Variants in WDR70 observed in about 807,000 individuals in gnomAD.
The protein encoded by WDR70 is WD repeat domain 70.
WDR70 carries 53 observed loss-of-function variants against 88.6 expected under a neutral mutation model. That is an observed-to-expected ratio of 0.60 (90% CI 0.48 to 0.75). WDR70 has a LOEUF of 0.75. Ranked by LOEUF, WDR70 falls within the 30% of genes least tolerant of loss-of-function variation. WDR70 has a pLI of 0.00. For synonymous variants in WDR70, 280 were observed against 270.0 expected, an observed-to-expected ratio of 1.04 and a Z score of -0.36; for missense variants, 610 against 823.2, an observed-to-expected ratio of 0.74 and a Z score of 3.17.
intron 10 of WDR70, among the ~76,000 whole-genome samples, chr5:37,645,611 C>G (rs1333240882): frequency 1.3e-5 from 2 of 151,998 alleles, no homozygotes; most frequent in Non-Finnish European, 2.9e-5. Context: ...GTTTCTCTCT[C>G]TTTAGCTCCA....
chr5:37,697,963 CT>C (rs919768371), intron 11 of WDR70: 379 of 441,304 alleles, frequency 8.6e-4, no homozygotes, highest in Middle Eastern at 1.9e-3. Context: ...TAAATATTTA[CT>C]TTTTTTTGGC....
At chr5:37,538,650 G>T (rs1057157702) in intron 9 of WDR70, among the ~76,000 whole-genome samples, 2 of 152,118 alleles carry the variant, frequency 1.3e-5, no homozygotes, top group African/African-American at 2.4e-5. Context: ...TTAATTCCAG[G>T]AGTTTCAGTA....
intron 9 of WDR70, among the ~76,000 whole-genome samples, chr5:37,555,977 C>T (rs762060434): frequency 6.6e-6 from 1 of 152,102 alleles, no homozygotes; most frequent in Non-Finnish European, 1.5e-5. Flanking sequence ...CCTCAGCTTC[C>T]CAAAGTGCTG....
At chr5:37,653,641 T>C (rs578173690) in intron 10 of WDR70, among the ~76,000 whole-genome samples, 1 of 152,328 alleles carries the variant, frequency 6.6e-6, no homozygotes, top group African/African-American at 2.4e-5. Flanking sequence ...TATTCAGGAA[T>C]TCGACTTCTT....
At chr5:37,499,945 T>A (rs1321429502) in intron 8 of WDR70, among the ~76,000 whole-genome samples, 1 of 152,200 alleles carries the variant, frequency 6.6e-6, no homozygotes, top group Non-Finnish European at 1.5e-5. Context: ...TTTTTAAAAA[T>A]ATTTTTAAAA....
At chr5:37,722,834 A>G (rs768349977) in intron 14 of WDR70, 21 bp from the exon 15 acceptor site, 2 of 1,612,160 alleles carry the variant, frequency 1.2e-6, no homozygotes, top group East Asian at 2.2e-5. Flanking sequence ...AAAGAAAATA[A>G]TTTGCTTTTA....
At chr5:37,574,000 G>T (rs1157498683) in intron 9 of WDR70, among the ~76,000 whole-genome samples, 1 of 152,178 alleles carries the variant, frequency 6.6e-6, no homozygotes, top group Non-Finnish European at 1.5e-5. Context: ...TTATTGAGGG[G>T]AGGGGATTGA....
chr5:37,673,269 G>A (rs538534411), intron 10 of WDR70, among the ~76,000 whole-genome samples: 17 of 152,252 alleles, frequency 1.1e-4, no homozygotes, highest in Middle Eastern at 3.4e-3. Context: ...TCCATGGTGT[G>A]TATGTACCAC....
chr5:37,388,742 A>G (rs1246400988), intron 3 of WDR70, among the ~76,000 whole-genome samples: 2 of 150,856 alleles, frequency 1.3e-5, no homozygotes, highest in African/African-American at 4.9e-5. Context: ...CCGTCTCAAA[A>G]AAAAAAAACA....
At chr5:37,479,759 TGGCAATAC>T in intron 7 of WDR70, 67 bp from the exon 8 acceptor site, 2 of 1,456,846 alleles carry the variant, frequency 1.4e-6, no homozygotes, top group South Asian at 1.4e-5. Flanking sequence ...TTTTTTTTTC[TGGCAATAC>T]TTAATGTAGT....
chr5:37,673,529 G>A (rs1346713312), intron 10 of WDR70, among the ~76,000 whole-genome samples: 2 of 149,626 alleles, frequency 1.3e-5, no homozygotes, highest in Non-Finnish European at 1.5e-5. Context: ...CAGTGTATAA[G>A]CATTCCTTTT....
chr5:37,472,282 T>TC (rs1739349125), intron 7 of WDR70, among the ~76,000 whole-genome samples: 1 of 152,042 alleles, frequency 6.6e-6, no homozygotes, highest in Non-Finnish European at 1.5e-5. Flanking sequence ...TTCTTTTTCA[T>TC]TCTATGTCCC....
intron 9 of WDR70, among the ~76,000 whole-genome samples, chr5:37,577,478 A>G (rs1407462055): frequency 6.6e-6 from 1 of 152,140 alleles, no homozygotes; most frequent in Non-Finnish European, 1.5e-5. Context: ...TTGCCAGCCA[A>G]TCAATCAAAA....
chr5:37,587,528 G>C (rs1479759809), intron 9 of WDR70, among the ~76,000 whole-genome samples: 1 of 151,640 alleles, frequency 6.6e-6, no homozygotes, highest in Non-Finnish European at 1.5e-5. Context: ...ATCCTTCCTA[G>C]ATCTTTCCCA....
At chr5:37,677,054 C>T (rs1241656411) in intron 10 of WDR70, among the ~76,000 whole-genome samples, 2 of 152,090 alleles carry the variant, frequency 1.3e-5, no homozygotes, top group Non-Finnish European at 2.9e-5. Context: ...GATGGTAGTT[C>T]ATATTTCTGT....
At chr5:37,745,933 C>T (rs572306006) in intron 17 of WDR70, among the ~76,000 whole-genome samples, 6 of 152,254 alleles carry the variant, frequency 3.9e-5, no homozygotes, top group Non-Finnish European at 7.4e-5. Flanking sequence ...ACCTAGTAGA[C>T]GTCTACAGAA....
At chr5:37,649,733 CTTTTTTT>C (rs70978834) in intron 10 of WDR70, among the ~76,000 whole-genome samples, 6 of 68,738 alleles carry the variant, frequency 8.7e-5, no homozygotes, top group Non-Finnish European at 1.2e-4. Flanking sequence ...GTTATTACTT[CTTTTTTT>C]TTTTTTTTTT....
chr5:37,566,407 G>A (rs1742742707), intron 9 of WDR70, among the ~76,000 whole-genome samples: 1 of 151,810 alleles, frequency 6.6e-6, no homozygotes, highest in African/African-American at 2.4e-5. Context: ...TCTTGTTTTT[G>A]TTTTGAAAAT....
In WDR70 at chr5:37,480,456, G is replaced by A. The variant is rs186370692; in HGVS notation, c.840+469G>A. Among the ~76,000 whole-genome samples, 200 of 152,284 alleles carry A rather than the reference G, an allele frequency of 1.3e-3. 2 individuals are homozygous for A. Among genetic ancestry groups the A allele is most frequent in the African/African-American group, 4.6e-3 (192 of 41,542 alleles). On this transcript the variant is annotated intron_variant, in intron 8 of 17. Coordinates refer to ENST00000265107, the MANE Select transcript of WDR70 (RefSeq NM_018034.4). ...GTTAATTGTTTCACAGTTCTGCATGGCTGGAGAGGCCTCACAATCATGGTG... is the reference window on the plus strand; with the variant it reads ...GTTAATTGTTTCACAGTTCTGCATGACTGGAGAGGCCTCACAATCATGGTG...
Sources: allele counts gnomAD v4.1 joint callset (sites outside exome capture counted in the v4.1 genomes callset), GRCh38; gene constraint gnomAD v4.1.1; transcripts MANE v1.5; gene names NCBI Gene and HGNC (gene_info 2026-07-23, HGNC 2026-07-21).